Variants in MAGI3 observed in about 807,000 individuals in gnomAD.
The protein encoded by MAGI3 is membrane associated guanylate kinase, WW and PDZ domain containing 3, also known as membrane-associated guanylate kinase, WW and PDZ domain-containing protein 3.
MAGI3 carries 43 observed loss-of-function variants against 121.8 expected under a neutral mutation model. That is an observed-to-expected ratio of 0.35 (90% confidence interval 0.28 to 0.46). The LOEUF (loss-of-function observed/expected upper bound fraction) is 0.46, where lower values mean the gene tolerates loss of function less well. MAGI3 is among the 20% of genes least tolerant of loss of function. The pLI, the probability that MAGI3 is intolerant of heterozygous loss-of-function variation, is 1.00. For missense variants in MAGI3, 1,547 were observed against 1,797.3 expected (o/e 0.86, Z 2.52); for synonymous variants, 553 against 639.3 (o/e 0.86, Z 2.04).
intron 11 of MAGI3, among the ~76,000 whole-genome samples, chr1:113,644,422 A>C (rs887300017): frequency 6.6e-6 from 1 of 152,178 alleles, no homozygotes; most frequent in African/African-American, 2.4e-5. Flanking sequence ...CTGGGACTAC[A>C]GGTGCACGCC....
chr1:113,524,561 C>G (rs1658368397), intron 1 of MAGI3, among the ~76,000 whole-genome samples: 2 of 152,032 alleles, frequency 1.3e-5, no homozygotes, highest in Non-Finnish European at 2.9e-5. Flanking sequence ...TTCGGACTTG[C>G]ATGGGGTCTT....
At position 113,656,617 on chromosome 1, in the gene MAGI3, A is replaced by G. The variant is rs767535463; in HGVS notation, c.2630-2463A>G. On this transcript the variant is annotated intron_variant, in intron 15 of 20. Transcript: ENST00000307546. ...TTTTTAGCAGAGACGGGGTTTTGCC[A>G]TGTTGGCCAGGCTGGTCTCAAACTC... Among the ~76,000 whole-genome samples the G allele has an allele frequency of 1.2e-3, 180 of 152,098 alleles. 1 individual carries two copies. The highest frequency in any genetic ancestry group is 1.9e-3 in the Non-Finnish European group (129 of 67,988).
intron 2 of MAGI3, 85 bp from the exon 3 acceptor site, chr1:113,580,457 C>G (rs554254245): frequency 7.7e-7 from 1 of 1,300,012 alleles, no homozygotes; most frequent in East Asian, 2.4e-5. Flanking sequence ...TATGTGTTCT[C>G]TACAAACTGA....
At chr1:113,469,360 G>A (rs928036139) in intron 1 of MAGI3, among the ~76,000 whole-genome samples, 1 of 152,152 alleles carries the variant, frequency 6.6e-6, no homozygotes, top group African/African-American at 2.4e-5. Context: ...TTTCAAAATT[G>A]TGAAAGGAGG....
chr1:113,572,624 G>A (rs1308888260), intron 2 of MAGI3, among the ~76,000 whole-genome samples: 2 of 152,136 alleles, frequency 1.3e-5, no homozygotes, highest in African/African-American at 4.8e-5. Context: ...AGTCTTGGGA[G>A]GATGTATGTG....
Position 113,553,344 on chromosome 1 carries a change from G to A in MAGI3, c.433+3713G>A, listed in dbSNP as rs1192468747. On this transcript the variant is annotated intron_variant, in intron 2 of 20. Transcript: ENST00000307546. The stretch of plus-strand genomic sequence containing the variant: ...GCAGGACAGAATGTCACAGAGGAGA[G>A]GGCTATGAAGAAAAAGAGCTCAAGC... Among the ~76,000 whole-genome samples the A allele has an allele frequency of 2.6e-5, 4 of 152,148 alleles. No homozygotes were observed. In the East Asian group the frequency reaches 7.7e-4, roughly 29 times the overall value.
In MAGI3 at chr1:113,659,414, TAATGAACTTAA is replaced by T. The variant is rs1294468414; in HGVS notation, c.2815+152_2815+162del. ...AGTCTTATTCTTCCCCTTTTCAATT[TAATGAACTTAA>T]AAAACAACTTATTATAAAGTTGTCA... On this transcript the variant is annotated intron_variant, in intron 16 of 20. Coordinates refer to ENST00000307546, the MANE Select transcript of MAGI3 (RefSeq NM_001142782.2). 8 of 692,990 alleles carry T rather than the reference TAATGAACTTAA, an allele frequency of 1.2e-5. No homozygotes were observed. The African/African-American group carries it at 1.5e-4, about 13-fold the overall frequency. 42.9% of individuals were successfully genotyped at this position (692,990 alleles called of 1,614,324 possible).
intron 1 of MAGI3, among the ~76,000 whole-genome samples, chr1:113,416,293 T>TGTAATTAATTAC (rs1652372698): frequency 3.6e-5 from 3 of 82,494 alleles, no homozygotes; most frequent in South Asian, 6.5e-4. Flanking sequence ...ATATTAATTA[T>TGTAATTAATTAC]GTAATTAATT....
At chr1:113,450,454 G>T (rs1654422243) in intron 1 of MAGI3, 1 of 1,108,876 alleles carries the variant, frequency 9.0e-7, no homozygotes, top group Non-Finnish European at 1.4e-6. Flanking sequence ...GTAGTAGAGG[G>T]GGCTATGGTG....
intron 14 of MAGI3, among the ~76,000 whole-genome samples, chr1:113,652,385 C>T (rs1240058926): frequency 6.6e-6 from 1 of 152,202 alleles, no homozygotes. Flanking sequence ...TGAATATTTA[C>T]ATCACTCTTA....
At chr1:113,672,793 CT>C (rs1368500694) in intron 18 of MAGI3, 52 bp downstream of exon 18, 7 of 1,550,870 alleles carry the variant, frequency 4.5e-6, no homozygotes, top group Admixed American at 4.1e-5. Flanking sequence ...TGCCATACCA[CT>C]GGCATTGGTG....
chr1:113,513,690 G>A (rs1657734947), intron 1 of MAGI3, among the ~76,000 whole-genome samples: 1 of 152,212 alleles, frequency 6.6e-6, no homozygotes, highest in Admixed American at 6.5e-5. Flanking sequence ...GAAAACCTAG[G>A]CATTACCATT....
chr1:113,663,579 A>T (rs1246598973), intron 16 of MAGI3, among the ~76,000 whole-genome samples: 4 of 152,150 alleles, frequency 2.6e-5, no homozygotes, highest in African/African-American at 9.7e-5. Flanking sequence ...TTCATTATGC[A>T]TACATATATT....
chr1:113,466,960 A>G (rs1655319641), intron 1 of MAGI3, among the ~76,000 whole-genome samples: 1 of 151,450 alleles, frequency 6.6e-6, no homozygotes, highest in Non-Finnish European at 1.5e-5. Flanking sequence ...TCTAATCATT[A>G]TTATTTGTTT....
At chr1:113,492,150 C>T (rs1656700734) in intron 1 of MAGI3, among the ~76,000 whole-genome samples, 1 of 152,144 alleles carries the variant, frequency 6.6e-6, no homozygotes, top group Non-Finnish European at 1.5e-5. Flanking sequence ...TCCAGCATAA[C>T]ATCAAAAAGC....
chr1:113,641,005 T>A (rs1166217357), intron 9 of MAGI3, among the ~76,000 whole-genome samples: 1 of 55,546 alleles, frequency 1.8e-5, no homozygotes, highest in African/African-American at 1.0e-4. Flanking sequence ...ATGATATATA[T>A]AATATATATG....
intron 6 of MAGI3, among the ~76,000 whole-genome samples, chr1:113,600,055 A>AT (rs1649268682): frequency 6.6e-6 from 1 of 152,202 alleles, no homozygotes; most frequent in Admixed American, 6.5e-5. Context: ...TAAATTAGGT[A>AT]TTGATGGGAC....
At chr1:113,462,249 G>A (rs192681297) in intron 1 of MAGI3, among the ~76,000 whole-genome samples, 1 of 152,238 alleles carries the variant, frequency 6.6e-6, no homozygotes, top group African/African-American at 2.4e-5. Flanking sequence ...CTACTGTAAA[G>A]ACACATCCAT....
chr1:113,531,598 T>C (rs1484121985), intron 1 of MAGI3, among the ~76,000 whole-genome samples: 1 of 152,106 alleles, frequency 6.6e-6, no homozygotes, highest in Non-Finnish European at 1.5e-5. Context: ...AAGGCTTTTA[T>C]AAGTTTAAAG....
Sources: allele counts gnomAD v4.1 joint callset (sites outside exome capture counted in the v4.1 genomes callset), GRCh38; gene constraint gnomAD v4.1.1; transcripts MANE v1.5; gene names NCBI Gene and HGNC (gene_info 2026-07-23, HGNC 2026-07-21).